Variants in GTF2H1 observed in about 807,000 individuals in gnomAD.
GTF2H1 encodes BTF2 p62.
Under a neutral mutation model 71.2 loss-of-function variants are expected in GTF2H1, and 16 were observed. That is an observed-to-expected ratio of 0.22 (90% confidence interval 0.15 to 0.34). The LOEUF (loss-of-function observed/expected upper bound fraction) is 0.34, where lower values mean the gene tolerates loss of function less well. GTF2H1 is among the 10% of genes least tolerant of loss of function. The pLI is 1.00. For missense variants in GTF2H1, 498 were observed against 648.2 expected (o/e 0.77, Z 2.52); for synonymous variants, 215 against 219.0 (o/e 0.98, Z 0.16).
chr11:18,355,423 G>A (rs200109374), intron 11 of GTF2H1, among the ~76,000 whole-genome samples: 5 of 151,842 alleles, frequency 3.3e-5, no homozygotes, highest in South Asian at 2.1e-4. Flanking sequence ...GATTACAGGC[G>A]TGAGCCACCA....
chr11:18,361,327 A>G (rs1865690941), intron 14 of GTF2H1, among the ~76,000 whole-genome samples: 1 of 152,136 alleles, frequency 6.6e-6, no homozygotes, highest in Non-Finnish European at 1.5e-5. Context: ...GGTCATGACT[A>G]ACCAAAGCAT....
intron 7 of GTF2H1, among the ~76,000 whole-genome samples, chr11:18,343,131 G>A (rs1475273416): frequency 9.9e-5 from 15 of 151,956 alleles, no homozygotes; most frequent in African/African-American, 3.1e-4. Flanking sequence ...CATGTTGGCC[G>A]GGCTGATCTT....
chr11:18,342,252 CTTTTTTTTTT>C (rs71047585), intron 7 of GTF2H1, among the ~76,000 whole-genome samples: 5 of 72,720 alleles, frequency 6.9e-5, no homozygotes, highest in South Asian at 7.3e-4. Flanking sequence ...TTTTCTGTCT[CTTTTTTTTTT>C]TTTTTTTTTT....
intron 1 of GTF2H1, among the ~76,000 whole-genome samples, chr11:18,327,534 G>A (rs1206078428): frequency 6.6e-6 from 1 of 152,106 alleles, no homozygotes; most frequent in Non-Finnish European, 1.5e-5. Flanking sequence ...TACCTCATGG[G>A]ATTATTAACT....
At chr11:18,344,843 A>G (rs186163764) in intron 7 of GTF2H1, among the ~76,000 whole-genome samples, 17 of 152,056 alleles carry the variant, frequency 1.1e-4, no homozygotes, top group African/African-American at 2.7e-4. Context: ...CTCAGGGCCT[A>G]TGCACTTAAC....
At chr11:18,356,760 A>G (rs989004767) in intron 11 of GTF2H1, among the ~76,000 whole-genome samples, 2 of 147,714 alleles carry the variant, frequency 1.4e-5, no homozygotes, top group Admixed American at 1.4e-4. Context: ...CTCCCCATGT[A>G]ATTTTTTTAC....
chr11:18,348,762 T>G (rs530545587), intron 9 of GTF2H1: 2 of 152,354 alleles, frequency 1.3e-5, no homozygotes, highest in South Asian at 4.1e-4. Context: ...AAAAATAGTT[T>G]GTGAGCTTTA....
chr11:18,343,270 T>C (rs764208156), intron 7 of GTF2H1, among the ~76,000 whole-genome samples: 18 of 152,212 alleles, frequency 1.2e-4, no homozygotes, highest in Non-Finnish European at 1.9e-4. Flanking sequence ...GTGAGGCTAA[T>C]AGTACTTGCC....
intron 1 of GTF2H1, among the ~76,000 whole-genome samples, chr11:18,327,167 AC>A (rs1188597009): frequency 2.0e-5 from 3 of 152,186 alleles, no homozygotes; most frequent in Admixed American, 6.5e-5. Flanking sequence ...AAATTCTCAC[AC>A]TAGCACCCCT....
chr11:18,363,379 A>G (rs899489985), intron 14 of GTF2H1, among the ~76,000 whole-genome samples: 16 of 152,168 alleles, frequency 1.1e-4, no homozygotes, highest in Non-Finnish European at 4.4e-5. Context: ...GTTCGTTTAC[A>G]CCAGCATCCC....
At chr11:18,347,771 GT>G (rs1254409312) in intron 8 of GTF2H1, 56 bp downstream of exon 8, 20 of 1,596,824 alleles carry the variant, frequency 1.3e-5, no homozygotes, top group Admixed American at 1.7e-5. Context: ...TCCAGATGGA[GT>G]TGTGGTGTTG....
chr11:18,336,424 G>A (rs546946071), intron 3 of GTF2H1, among the ~76,000 whole-genome samples: 3 of 152,184 alleles, frequency 2.0e-5, no homozygotes, highest in Admixed American at 6.5e-5. Context: ...CACCACGCCC[G>A]GCCACCTATC....
At chr11:18,336,031 A>T in intron 3 of GTF2H1, 85 bp downstream of exon 3, 2 of 927,618 alleles carry the variant, frequency 2.2e-6, no homozygotes, top group Admixed American at 3.3e-5. Context: ...AGCTATCCCC[A>T]CGTTTTTTCG....
At chr11:18,343,416 A>G (rs1042172245) in intron 7 of GTF2H1, among the ~76,000 whole-genome samples, 13 of 152,184 alleles carry the variant, frequency 8.5e-5, no homozygotes, top group Admixed American at 3.3e-4. Context: ...TATATAACCA[A>G]TCTTTTTACT....
chr11:18,358,468 C>T (rs1019326344), intron 12 of GTF2H1, 57 bp from the exon 13 acceptor site: 8 of 948,638 alleles, frequency 8.4e-6, no homozygotes, highest in Non-Finnish European at 1.3e-5. Flanking sequence ...TCATTTTTTT[C>T]GAGACTGTAT....
In GTF2H1 at chr11:18,326,760, T is replaced by G. The variant is rs55837740; in HGVS notation, c.-16+4020T>G. Among the ~76,000 whole-genome samples the G allele has an allele frequency of 1.8e-3, 267 of 152,330 alleles. 1 individual carries two copies. Among genetic ancestry groups the G allele is most frequent in the African/African-American group, 6.0e-3 (248 of 41,574 alleles). Reference sequence around the variant, plus strand: ...TTCCAACTGCTGACATACTTAAAATTATCCTACTTAAGTAGGATAATGAAG... The same window carrying G: ...TTCCAACTGCTGACATACTTAAAATGATCCTACTTAAGTAGGATAATGAAG... On this transcript the variant is annotated intron_variant, in intron 1 of 14. Coordinates refer to ENST00000265963, the MANE Select transcript of GTF2H1 (RefSeq NM_005316.4).
Position 18,358,672 on chromosome 11 carries a change from T to C in GTF2H1, c.1467+32T>C, listed in dbSNP as rs201039151. 209 of 1,291,700 alleles carry C rather than the reference T, an allele frequency of 1.6e-4. No homozygotes were observed. In the Middle Eastern group the frequency reaches 8.7e-3, roughly 54 times the overall value. 80.0% of individuals were successfully genotyped at this position (1,291,700 alleles called of 1,614,324 possible). ...ACCAGTTCTGAAGACAGCCAGATAA[T>C]TGTGGTAGTGACTTACAAGAAGTTT... On this transcript the variant is annotated intron_variant, in intron 13 of 14. Transcript: ENST00000265963.
chr11:18,348,034 T>C, intron 9 of GTF2H1, 115 bp downstream of exon 9: 1 of 780,684 alleles, frequency 1.3e-6, no homozygotes, highest in Non-Finnish European at 2.2e-6. Flanking sequence ...ACTAAGATGT[T>C]AAGCATTTGG....
chr11:18,328,337 C>G (rs1190098520), intron 1 of GTF2H1, among the ~76,000 whole-genome samples: 2 of 149,636 alleles, frequency 1.3e-5, no homozygotes, highest in East Asian at 2.0e-4. Flanking sequence ...ATGGCGAAAC[C>G]CCGTCTCTAC....
Sources: gnomAD v4.1 joint callset for allele counts (sites outside exome capture counted in the v4.1 genomes callset) on GRCh38, gnomAD v4.1.1 for gene constraint, MANE v1.5 for transcripts, NCBI Gene and HGNC (gene_info 2026-07-23, HGNC 2026-07-21) for gene names.